The following HIBADH variants were observed in gnomAD, a reference collection of about 807,000 sequenced individuals.
HIBADH encodes 3-hydroxyisobutyrate dehydrogenase, mitochondrial.
Under a neutral mutation model 36.1 loss-of-function variants are expected in HIBADH, and 25 were observed. The ratio of observed to expected loss-of-function variants is 0.69; its 90% CI spans 0.50 to 0.97. The LOEUF (loss-of-function observed/expected upper bound fraction) is 0.97, where lower values mean the gene tolerates loss of function less well. Among genes scored for constraint, HIBADH ranks in the 50% least tolerant of loss-of-function variants. The pLI is 0.00. For synonymous variants in HIBADH, 160 were observed against 149.5 expected, an observed-to-expected ratio of 1.07 and a Z score of -0.51; for missense variants, 421 against 418.0, an observed-to-expected ratio of 1.01 and a Z score of -0.06.
rs750506073 is a variant in HIBADH, at chr7:27,632,364, C to G, written c.334G>C (p.Ala112Pro). Residue 112 changes from alanine to proline, a missense_variant, in exon 3 of 8, where the codon GCT becomes CCT. By Grantham distance (27) the Ala-to-Pro change is conservative. Coordinates refer to ENST00000265395, the MANE Select transcript of HIBADH (RefSeq NM_152740.4). ...MLPTSINAIE[A>P]YSGANGILKK... ...AGAATCCCATTTGCTCCGGAATAAGCTTCTATTGCATTGATACTGGTGGGC... is the reference window on the plus strand; with the variant it reads ...AGAATCCCATTTGCTCCGGAATAAGGTTCTATTGCATTGATACTGGTGGGC... The G allele has an allele frequency of 1.2e-5, 19 of 1,611,334 alleles. No individual in the cohort carries two copies.
chr7:27,542,899 AG>A, intron 5 of HIBADH, 67 bp downstream of exon 5: 20 of 1,460,116 alleles, frequency 1.4e-5, no homozygotes, highest in Non-Finnish European at 1.9e-5. Flanking sequence ...AAATATGGTC[AG>A]GAAAGAGAAA....
chr7:27,609,575 T>C (rs1785289851), intron 4 of HIBADH, among the ~76,000 whole-genome samples: 1 of 152,198 alleles, frequency 6.6e-6, no homozygotes, highest in African/African-American at 2.4e-5. Flanking sequence ...GTACTAGTAC[T>C]GATGAATCTT....
rs144210343 is a variant in HIBADH, at chr7:27,659,798, C to T, written c.91+2900G>A. Among the ~76,000 whole-genome samples, 492 of 152,344 alleles carry T rather than the reference C, an allele frequency of 3.2e-3. 6 individuals carry two copies. Among genetic ancestry groups the T allele is most frequent in the African/African-American group, 0.011 (464 of 41,590 alleles). ...GCAGGCTGGGCACAGTGGCTAATGCCTGTAAGCCCAACACTTTGGGAGGTC... is the reference window on the plus strand; with the variant it reads ...GCAGGCTGGGCACAGTGGCTAATGCTTGTAAGCCCAACACTTTGGGAGGTC... On this transcript the variant is annotated intron_variant, in intron 1 of 7. Coordinates refer to ENST00000265395, the MANE Select transcript of HIBADH (RefSeq NM_152740.4).
intron 7 of HIBADH, among the ~76,000 whole-genome samples, chr7:27,530,577 G>GA (rs1431251845): frequency 9.9e-5 from 15 of 152,092 alleles, no homozygotes; most frequent in Admixed American, 2.0e-4. Flanking sequence ...TCAACTGGGA[G>GA]AAAATAAGCA....
chr7:27,598,574 C>T (rs1484205044), intron 4 of HIBADH, among the ~76,000 whole-genome samples: 10 of 152,026 alleles, frequency 6.6e-5, no homozygotes, highest in Admixed American at 2.0e-4. Flanking sequence ...GAAACTGAAA[C>T]GAACAGTAAT....
intron 4 of HIBADH, among the ~76,000 whole-genome samples, chr7:27,629,071 T>G (rs1785699208): frequency 6.6e-6 from 1 of 152,080 alleles, no homozygotes; most frequent in South Asian, 2.1e-4. Flanking sequence ...AAGCTGATTT[T>G]TTTTTCAATA....
chr7:27,561,383 AT>A (rs1178534800), intron 4 of HIBADH, among the ~76,000 whole-genome samples: 22 of 152,074 alleles, frequency 1.4e-4, no homozygotes, highest in South Asian at 2.1e-4. Flanking sequence ...ACTAAAAAAA[AT>A]AAATTCTTTA....
chr7:27,558,231 A>G (rs1784420442), intron 4 of HIBADH, among the ~76,000 whole-genome samples: 1 of 152,078 alleles, frequency 6.6e-6, no homozygotes, highest in African/African-American at 2.4e-5. Flanking sequence ...CTAATTTCCT[A>G]ATTAATTCCA....
At chr7:27,659,725 C>T (rs1458975792) in intron 1 of HIBADH, among the ~76,000 whole-genome samples, 1 of 146,882 alleles carries the variant, frequency 6.8e-6, no homozygotes, top group Non-Finnish European at 1.5e-5. Context: ...GACCCCATCT[C>T]AAATAAACAA....
At chr7:27,584,140 T>A (rs1784827516) in intron 4 of HIBADH, among the ~76,000 whole-genome samples, 1 of 152,050 alleles carries the variant, frequency 6.6e-6, no homozygotes, top group Admixed American at 6.6e-5. Flanking sequence ...TATCCTTCTT[T>A]TATATTAAAC....
At chr7:27,652,366 T>C (rs368710180) in intron 1 of HIBADH, among the ~76,000 whole-genome samples, 3 of 152,086 alleles carry the variant, frequency 2.0e-5, no homozygotes, top group African/African-American at 4.8e-5. Context: ...AAACAACTTG[T>C]ATTTTGTAGG....
At chr7:27,650,731 G>A (rs13307528) in intron 1 of HIBADH, among the ~76,000 whole-genome samples, 47 of 103,122 alleles carry the variant, frequency 4.6e-4, no homozygotes, top group East Asian at 1.5e-3. Context: ...AAAAAAAAAA[G>A]CCTTAAAAAC....
At chr7:27,623,267 C>T (rs1358843277) in intron 4 of HIBADH, among the ~76,000 whole-genome samples, 2 of 152,076 alleles carry the variant, frequency 1.3e-5, no homozygotes, top group Non-Finnish European at 2.9e-5. Flanking sequence ...ATAATAAAGG[C>T]CATATACAAC....
chr7:27,658,557 G>C (rs974377950), intron 1 of HIBADH, among the ~76,000 whole-genome samples: 8 of 152,026 alleles, frequency 5.3e-5, no homozygotes, highest in African/African-American at 1.9e-4. Flanking sequence ...GCAAAAATTG[G>C]TAACAAGTTA....
At chr7:27,539,999 G>A (rs966233203) in intron 5 of HIBADH, among the ~76,000 whole-genome samples, 3 of 151,964 alleles carry the variant, frequency 2.0e-5, no homozygotes, top group South Asian at 2.1e-4. Flanking sequence ...GTTGCTCTTC[G>A]CTGTCTCGGG....
At chr7:27,543,324 T>C (rs191127256) in intron 4 of HIBADH, among the ~76,000 whole-genome samples, 82 of 152,296 alleles carry the variant, frequency 5.4e-4, no homozygotes, top group Admixed American at 2.3e-3. Context: ...AGTTGTACTC[T>C]CAATCTCAAC....
intron 3 of HIBADH, 57 bp from the exon 4 acceptor site, chr7:27,629,549 A>G (rs1016621666): frequency 8.0e-7 from 1 of 1,248,426 alleles, no homozygotes; most frequent in Non-Finnish European, 1.1e-6. Context: ...AATTTCATGC[A>G]ACTACCTACA....
At chr7:27,535,120 T>C (rs537017073) in intron 6 of HIBADH, among the ~76,000 whole-genome samples, 9 of 151,162 alleles carry the variant, frequency 6.0e-5, no homozygotes, top group African/African-American at 2.2e-4. Flanking sequence ...ATGATTTGGA[T>C]TGACATGGTC....
intron 4 of HIBADH, among the ~76,000 whole-genome samples, chr7:27,577,164 CTCTTTT>C (rs1435290875): frequency 1.4e-5 from 2 of 143,924 alleles, no homozygotes; most frequent in Admixed American, 1.4e-4. Flanking sequence ...CATCATTTCT[CTCTTTT>C]TTTTTTTTTT....
Sources: allele counts gnomAD v4.1 joint callset (sites outside exome capture counted in the v4.1 genomes callset), GRCh38; gene constraint gnomAD v4.1.1; transcripts MANE v1.5; gene names NCBI Gene and HGNC (gene_info 2026-07-23, HGNC 2026-07-21).